CREB3L2: variants seen among roughly 807,000 people sequenced by gnomAD.
CREB3L2 encodes the protein cyclic AMP-responsive element-binding protein 3-like protein 2.
Under a neutral mutation model 57.2 loss-of-function variants are expected in CREB3L2, and 23 were observed. The observed-to-expected ratio is 0.40, with a 90% CI of 0.29 to 0.57. CREB3L2 has a LOEUF of 0.57. Ranked by LOEUF, CREB3L2 falls within the 20% of genes least tolerant of loss-of-function variation. The probability of loss-of-function intolerance (pLI) is 0.42; values close to 1 mark genes in which losing one functional copy is unlikely to be tolerated. For synonymous variants in CREB3L2, 268 were observed against 265.1 expected, an observed-to-expected ratio of 1.01 and a Z score of -0.11; for missense variants, 628 against 634.7, an observed-to-expected ratio of 0.99 and a Z score of 0.11.
chr7:137,888,663 C>G (rs1275259484), intron 8 of CREB3L2, among the ~76,000 whole-genome samples: 1 of 152,106 alleles, frequency 6.6e-6, no homozygotes, highest in Admixed American at 6.6e-5. Context: ...GGCTCAAACC[C>G]TTTCCTCTTA....
intron 1 of CREB3L2, among the ~76,000 whole-genome samples, chr7:137,983,330 T>A (rs908759187): frequency 6.6e-6 from 1 of 152,156 alleles, no homozygotes; most frequent in African/African-American, 2.4e-5. Context: ...AGGGCAGAAA[T>A]GCAACATCAG....
At chr7:137,904,111 C>A in intron 6 of CREB3L2, 94 bp from the exon 7 acceptor site, 1 of 1,023,220 alleles carries the variant, frequency 9.8e-7, no homozygotes, top group Non-Finnish European at 1.5e-6. Flanking sequence ...GTCACCAAAG[C>A]CCTGCTTACT....
chr7:137,976,595 T>C (rs753229922), intron 1 of CREB3L2, among the ~76,000 whole-genome samples: 5 of 152,218 alleles, frequency 3.3e-5, no homozygotes, highest in Non-Finnish European at 5.9e-5. Flanking sequence ...AACCTACCCA[T>C]TGACATATTC....
chr7:137,908,543 G>A (rs1799940919), intron 4 of CREB3L2, 107 bp from the exon 5 acceptor site: 1 of 731,556 alleles, frequency 1.4e-6, no homozygotes. Context: ...GAGCTGACCT[G>A]GACAGATCTC....
At chr7:137,924,128 T>C (rs1445068307) in intron 2 of CREB3L2, among the ~76,000 whole-genome samples, 1 of 152,186 alleles carries the variant, frequency 6.6e-6, no homozygotes, top group Non-Finnish European at 1.5e-5. Context: ...AAAGCCCTAC[T>C]AAATTCATCA....
intron 9 of CREB3L2, 60 bp downstream of exon 9, chr7:137,885,343 A>T: frequency 7.1e-7 from 1 of 1,417,662 alleles, no homozygotes; most frequent in Non-Finnish European, 9.9e-7. Context: ...AAGTGGAGGG[A>T]GAGGGGAGAC....
At chr7:137,934,633 G>C (rs1471799606) in intron 1 of CREB3L2, among the ~76,000 whole-genome samples, 1 of 152,174 alleles carries the variant, frequency 6.6e-6, no homozygotes, top group African/African-American at 2.4e-5. Context: ...GCTCACAGAC[G>C]GTCATCCGCT....
At chr7:137,883,218 A>C (rs1010169279) in intron 10 of CREB3L2, among the ~76,000 whole-genome samples, 1 of 152,214 alleles carries the variant, frequency 6.6e-6, no homozygotes, top group African/African-American at 2.4e-5. Flanking sequence ...CCTTGGGGGG[A>C]AAAATTCTCA....
At chr7:137,901,101 T>C (rs556165880) in intron 8 of CREB3L2, among the ~76,000 whole-genome samples, 1 of 152,314 alleles carries the variant, frequency 6.6e-6, no homozygotes, top group African/African-American at 2.4e-5. Flanking sequence ...TGTGTACATA[T>C]GTGTATTGTG....
At chr7:137,982,084 T>C (rs1052207037) in intron 1 of CREB3L2, among the ~76,000 whole-genome samples, 2 of 152,320 alleles carry the variant, frequency 1.3e-5, no homozygotes, top group African/African-American at 4.8e-5. Context: ...ACAGACCTGT[T>C]CCTTCTCAGC....
intron 1 of CREB3L2, among the ~76,000 whole-genome samples, chr7:137,958,599 C>T (rs951995421): frequency 3.3e-5 from 5 of 152,194 alleles, no homozygotes; most frequent in African/African-American, 4.8e-5. Flanking sequence ...TTTTAAAAAG[C>T]TGTATTTGAG....
chr7:137,949,693 C>A (rs1801060937), intron 1 of CREB3L2, among the ~76,000 whole-genome samples: 1 of 152,188 alleles, frequency 6.6e-6, no homozygotes, highest in Non-Finnish European at 1.5e-5. Context: ...AGGGATATTT[C>A]ATGAATGTTT....
chr7:137,879,991 T>TA lies in CREB3L2; in HGVS notation c.*484_*485insT. On this transcript the variant is annotated 3_prime_UTR_variant, in exon 12 of 12. Coordinates refer to ENST00000330387, the MANE Select transcript of CREB3L2 (RefSeq NM_194071.4). ...GGGCAGAGTGGGCGGAGGGCTGCTG[T>TA]CGGGGGTGTTCACACCAGAGACCCC... The TA allele has an allele frequency of 4.1e-6, 1 of 241,774 alleles. No homozygotes were observed. The highest frequency in any genetic ancestry group is 8.1e-6 in the Non-Finnish European group (1 of 123,086). 15.0% of individuals were successfully genotyped at this position (241,774 alleles called of 1,614,324 possible). A position where few individuals can be genotyped will look rare whatever the true frequency, so the allele number is the denominator to read the frequency against.
chr7:137,916,046 T>C, intron 2 of CREB3L2, 34 bp from the exon 3 acceptor site: 1 of 1,584,048 alleles, frequency 6.3e-7, no homozygotes, highest in Non-Finnish European at 8.6e-7. Context: ...CATGTGAACT[T>C]GTTCAGGGCA....
At chr7:137,976,901 T>C (rs953091227) in intron 1 of CREB3L2, among the ~76,000 whole-genome samples, 4 of 152,176 alleles carry the variant, frequency 2.6e-5, no homozygotes, top group Non-Finnish European at 2.9e-5. Flanking sequence ...ATAAGCTATA[T>C]AGGCTACGCA....
chr7:137,905,812 C>T lies in CREB3L2; in HGVS notation c.805G>A (p.Glu269Lys), dbSNP rs1449053466. 6.2e-7 allele frequency: 1 copy of T among 1,613,990 alleles called. No homozygotes were observed. Among genetic ancestry groups the T allele is most frequent in the Non-Finnish European group, 8.5e-7 (1 of 1,179,984 alleles). ...QGSGPLVLTEEEKRTLIAEGY... is the reference protein window; with the variant it reads ...QGSGPLVLTEKEKRTLIAEGY... ...TCAGCGATCAGGGTCCTCTTCTCCT[C>T]CTCTGTCAGGACCAGAGGGCCTGAT... The change falls in exon 6 of 12, where the codon GAG becomes AAG. Residue 269 changes from glutamate (E) to lysine (K), a missense_variant. Coordinates refer to ENST00000330387, the MANE Select transcript of CREB3L2 (RefSeq NM_194071.4).
At chr7:137,967,940 G>A (rs1000260630) in intron 1 of CREB3L2, among the ~76,000 whole-genome samples, 6 of 152,108 alleles carry the variant, frequency 3.9e-5, no homozygotes, top group Non-Finnish European at 7.4e-5. Context: ...GCTTTAATAC[G>A]CATTATCCCT....
chr7:137,957,551 C>T (rs995993733), intron 1 of CREB3L2, among the ~76,000 whole-genome samples: 4 of 152,122 alleles, frequency 2.6e-5, no homozygotes, highest in African/African-American at 4.8e-5. Context: ...CAGACTACTT[C>T]GCATCAGAAA....
chr7:137,939,653 C>T (rs912287322), intron 1 of CREB3L2, among the ~76,000 whole-genome samples: 1 of 152,222 alleles, frequency 6.6e-6, no homozygotes, highest in Non-Finnish European at 1.5e-5. Flanking sequence ...TCAAGTCAAC[C>T]GTTCAAGGCT....
Sources: allele counts gnomAD v4.1 joint callset (sites outside exome capture counted in the v4.1 genomes callset), GRCh38; gene constraint gnomAD v4.1.1; transcripts MANE v1.5; gene names NCBI Gene and HGNC (gene_info 2026-07-23, HGNC 2026-07-21).